The following MVB12A variants were observed in gnomAD, a reference collection of about 807,000 sequenced individuals.
MVB12A encodes the protein CIN85/CD2AP family binding protein.
MVB12A carries 30 observed loss-of-function variants against 34.3 expected under a neutral mutation model. The observed-to-expected ratio is 0.88, with a 90% CI of 0.65 to 1.19. The LOEUF is 1.19. MVB12A is among the 50% of genes most tolerant of loss of function. The pLI is 0.00. For missense variants in MVB12A, 355 were observed against 369.2 expected, an observed-to-expected ratio of 0.96 and a Z score of 0.31; for synonymous variants, 158 against 158.9, an observed-to-expected ratio of 0.99 and a Z score of 0.04.
chr19:17,420,732 C>T, intron 3 of MVB12A, 98 bp downstream of exon 3: 1 of 804,976 alleles, frequency 1.2e-6, no homozygotes, highest in Non-Finnish European at 2.1e-6. Flanking sequence ...CCTCGGCTGC[C>T]CCCTGGCACA....
At chr19:17,418,466 C>T (rs937991479), upstream of MVB12A, among the ~76,000 whole-genome samples, 1 of 151,010 alleles carries the variant, frequency 6.6e-6, no homozygotes, top group Non-Finnish European at 1.5e-5. Flanking sequence ...GATCTCAGCT[C>T]ATTGCAACCT....
chr19:17,410,529 T>TATATATACAC, intron 2 of MVB12A, among the ~76,000 whole-genome samples: 1 of 74,480 alleles, frequency 1.3e-5, no homozygotes, highest in Admixed American at 1.5e-4. Flanking sequence ...TATATATATA[T>TATATATACAC]ACACACACAC....
intron 2 of MVB12A, among the ~76,000 whole-genome samples, chr19:17,406,763 T>C (rs944355251): frequency 1.3e-5 from 2 of 152,126 alleles, no homozygotes; most frequent in African/African-American, 4.8e-5. Context: ...CGAGCTATGA[T>C]TGTGCCACGG....
In MVB12A at chr19:17,410,523, T is replaced by C. The variant is rs1231319080; in HGVS notation, c.-5+4227T>C. On this transcript the variant is annotated intron_variant, in intron 2 of 6. Coordinates refer to the MVB12A transcript ENST00000528604. ...ATATATATATATATATATATATATA[T>C]ATATATACACACACACATATATATA... is the stretch of plus-strand genomic sequence containing the variant. Among the ~76,000 whole-genome samples, 15 of 71,588 alleles carry C rather than the reference T, an allele frequency of 2.1e-4. No homozygotes were observed. The South Asian group carries it at 2.3e-3, about 11-fold the overall frequency. 47.0% of individuals were successfully genotyped at this position (71,588 alleles called of 152,430 possible).
chr19:17,424,554 T>G, intron 7 of MVB12A, 67 bp from the exon 8 acceptor site: 1 of 1,544,826 alleles, frequency 6.5e-7, no homozygotes, highest in Non-Finnish European at 8.8e-7. Flanking sequence ...CAGGACCCCT[T>G]GAAGACGAAG....
chr19:17,423,191 TAAAA>T (rs895549170), intron 4 of MVB12A, among the ~76,000 whole-genome samples: 1 of 106,672 alleles, frequency 9.4e-6, no homozygotes, highest in Non-Finnish European at 2.0e-5. Context: ...CGTTTCTACT[TAAAA>T]AAAAAAAAAA....
chr19:17,422,321 C>A lies in MVB12A; in HGVS notation c.287-11C>A. 1 of 1,609,108 alleles carries A rather than the reference C, an allele frequency of 6.2e-7. No individual in the cohort carries two copies. On this transcript the variant is annotated splice_polypyrimidine_tract_variant and intron_variant, in intron 3 of 8. Transcript: ENST00000317040. Reference sequence around the variant, plus strand: ...GCTTCCCTCTCTCACTCCCCTACCCCCCACTCCCAGAGGCCTCTGTGTCCA... The same window carrying A: ...GCTTCCCTCTCTCACTCCCCTACCCACCACTCCCAGAGGCCTCTGTGTCCA...
chr19:17,407,767 A>G (rs565702847), intron 2 of MVB12A, among the ~76,000 whole-genome samples: 25 of 152,326 alleles, frequency 1.6e-4, no homozygotes, highest in Non-Finnish European at 3.4e-4. Flanking sequence ...CAGGCCCTCC[A>G]CAAGAGGTGG....
rs2074830715 is a variant in MVB12A, at chr19:17,420,419, G to A, written c.189+8G>A. The A allele has an allele frequency of 1.9e-6, 3 of 1,613,332 alleles. No homozygotes were observed. The highest frequency in any genetic ancestry group is 2.2e-5 in the East Asian group (1 of 44,878). ...TCTCTGGGCAGCCTAGAGGTAAGAG[G>A]TGCCCACCTTCGGAACCACCAGGGT... On this transcript the variant is annotated splice_region_variant and intron_variant, in intron 2 of 8. Transcript: ENST00000317040.
At chr19:17,421,031 C>T (rs113428777) in intron 3 of MVB12A, 11 of 467,580 alleles carry the variant, frequency 2.4e-5, no homozygotes, top group Middle Eastern at 3.2e-4. Context: ...CTCCGTCCTC[C>T]GTCAGATGTC....
intron 2 of MVB12A, among the ~76,000 whole-genome samples, chr19:17,410,361 G>A (rs1479882475): frequency 6.7e-6 from 1 of 149,840 alleles, no homozygotes; most frequent in Non-Finnish European, 1.5e-5. Flanking sequence ...GTAGAGATGG[G>A]GGTCTCAGTA....
At position 17,423,569 on chromosome 19, in the gene MVB12A, TC is replaced by T; in HGVS notation, c.486del (p.Ser163AlafsTer80). ...AGGCCAGTGCCCAAGCCCCGAGGTC[TC>T]AGCCGGGACATGCAGGGCCTCTCTC... Reference protein sequence around the residue: ...APRPVPKPRGLSRDMQGLSLD... With the variant: ...APRPVPKPRGXSRDMQGLSLD... On this transcript the variant is annotated frameshift_variant, in exon 5 of 9. Coordinates refer to ENST00000317040, the MANE Select transcript of MVB12A (RefSeq NM_138401.4). LOFTEE classifies it high-confidence loss of function. 1 of 1,614,122 alleles carries T rather than the reference TC, an allele frequency of 6.2e-7. No individual in the cohort carries two copies. The highest frequency in any genetic ancestry group is 1.1e-5 in the South Asian group (1 of 91,086).
intron 4 of MVB12A, 95 bp from the exon 5 acceptor site, chr19:17,423,403 C>A: frequency 6.9e-7 from 1 of 1,445,626 alleles, no homozygotes; most frequent in Non-Finnish European, 9.3e-7. Flanking sequence ...ACAGAGGTCA[C>A]CTGCATGCCC....
upstream of MVB12A, chr19:17,416,999 G>GT (rs1340154535): frequency 3.2e-6 from 1 of 309,910 alleles, no homozygotes; most frequent in East Asian, 8.8e-5. Flanking sequence ...GGCATAGAAA[G>GT]TTTTTCTCAT....
At chr19:17,411,580 A>G (rs1485775223) in intron 2 of MVB12A, among the ~76,000 whole-genome samples, 1 of 143,086 alleles carries the variant, frequency 7.0e-6, no homozygotes, top group Admixed American at 6.9e-5. Context: ...CTTTTCTCAA[A>G]CTCCTGGGCT....
chr19:17,410,559 T>TATATACAC (rs1272535952), intron 2 of MVB12A, among the ~76,000 whole-genome samples: 1 of 109,612 alleles, frequency 9.1e-6, no homozygotes, highest in African/African-American at 4.0e-5. Context: ...TACACACACA[T>TATATACAC]ATATATACAT....
intron 7 of MVB12A, among the ~76,000 whole-genome samples, chr19:17,424,379 C>T (rs13345102): frequency 0.18 from 27,041 of 152,068 alleles, 2,431 homozygotes; most frequent in South Asian, 0.28. Context: ...GCCAGGAGAT[C>T]GAGACCAGCC....
At chr19:17,423,927 G>A in intron 6 of MVB12A, 79 bp from the exon 7 acceptor site, 1 of 1,578,352 alleles carries the variant, frequency 6.3e-7, no homozygotes, top group South Asian at 1.1e-5. Context: ...GAAGGAGCCA[G>A]GCTGTGCGGG....
chr19:17,410,549 T>TACAC (rs2074761310), intron 2 of MVB12A, among the ~76,000 whole-genome samples: 2 of 115,418 alleles, frequency 1.7e-5, no homozygotes, highest in South Asian at 2.8e-4. Flanking sequence ...CATATATATA[T>TACAC]ACACACACAT....
Sources: allele counts gnomAD v4.1 joint callset (sites outside exome capture counted in the v4.1 genomes callset), GRCh38; gene constraint gnomAD v4.1.1; transcripts MANE v1.5; gene names NCBI Gene and HGNC (gene_info 2026-07-23, HGNC 2026-07-21).